Variants in AK9 observed in about 807,000 individuals in gnomAD.
AK9 encodes adenylate kinase domain containing 1.
AK9 carries 191 observed loss-of-function variants against 239.6 expected under a neutral mutation model. The ratio of observed to expected loss-of-function variants is 0.80; its 90% CI spans 0.71 to 0.90. The LOEUF is 0.90. AK9 is among the 40% of genes least tolerant of loss of function. The pLI is 0.00. For missense variants in AK9, 1,995 were observed against 2,214.7 expected (o/e 0.90, Z 1.99); for synonymous variants, 689 against 721.0 (o/e 0.96, Z 0.71).
In AK9 at chr6:109,506,406, C is replaced by T. The variant is rs1402579322; in HGVS notation, c.4770G>A (p.Trp1590Ter). Residue 1590 changes from tryptophan to a stop codon, truncating the protein, a stop_gained, in exon 35 of 41, where the codon TGG (tryptophan) becomes TGA (stop). Coordinates refer to ENST00000424296, the MANE Select transcript of AK9 (RefSeq NM_001145128.3). LOFTEE classifies it high-confidence loss of function. Reference sequence around the variant, plus strand: ...TCTTAATGACTTCATTCCATACCCACCATTTGCTGTGAAATCCATCAATCA... The same window carrying T: ...TCTTAATGACTTCATTCCATACCCATCATTTGCTGTGAAATCCATCAATCA... ...WYVIDGFHSK[W>*]WVWNEVIKNV... The T allele has an allele frequency of 1.2e-6, 2 of 1,613,854 alleles. No individual in the cohort carries two copies. The highest frequency in any genetic ancestry group is 1.7e-5 in the Admixed American group (1 of 60,020).
intron 36 of AK9, among the ~76,000 whole-genome samples, chr6:109,498,702 G>C (rs562983095): frequency 6.6e-6 from 1 of 152,334 alleles, no homozygotes; most frequent in African/African-American, 2.4e-5. Flanking sequence ...ATTCCCTTCA[G>C]CACCCCTGGG....
rs1452873781 is a variant in AK9 at position 109,550,116 on chromosome 6, A to T, written c.2938T>A (p.Tyr980Asn). 1.2e-6 allele frequency: 2 copies of T among 1,613,930 alleles called. No homozygotes were observed. The highest frequency in any genetic ancestry group is 2.2e-5 in the South Asian group (2 of 91,076). ...KEKFLEHPED[Y>N]VAHEEPLKAP... ...TTCAATGGTTCTTCATGAGCCACAT[A>T]ATCCTCAGGATGCTCCAAAAACTTT... The change falls in exon 25 of 41, where the codon TAT becomes AAT. Residue 980 changes from tyrosine to asparagine, a missense_variant. Tyr to Asn is a moderately radical substitution (Grantham distance 143). Around this residue, in one of 5 missense-constraint regions of AK9, gnomAD observed 1,290 missense variants for 1,392.7 expected, o/e 0.93. Coordinates refer to ENST00000424296, the MANE Select transcript of AK9 (RefSeq NM_001145128.3).
At chr6:109,669,736 A>G (rs1801801397) in intron 5 of AK9, among the ~76,000 whole-genome samples, 1 of 152,186 alleles carries the variant, frequency 6.6e-6, no homozygotes, top group Non-Finnish European at 1.5e-5. Context: ...CATCAGGATG[A>G]GACGCCTTGC....
intron 27 of AK9, among the ~76,000 whole-genome samples, chr6:109,537,350 G>A (rs961837267): frequency 6.6e-6 from 1 of 151,958 alleles, no homozygotes; most frequent in South Asian, 2.1e-4. Flanking sequence ...TATGTGTCCA[G>A]GAATTTATCC....
intron 9 of AK9, 87 bp downstream of exon 9, chr6:109,644,527 G>T: frequency 9.0e-7 from 1 of 1,115,078 alleles, no homozygotes; most frequent in Non-Finnish European, 1.3e-6. Context: ...ATATAAATAT[G>T]CTTCTGTTTA....
At chr6:109,589,828 G>GT (rs1315251166) in intron 17 of AK9, among the ~76,000 whole-genome samples, 3 of 152,076 alleles carry the variant, frequency 2.0e-5, no homozygotes, top group Non-Finnish European at 4.4e-5. Context: ...TTATCACATA[G>GT]TTTTTTGTTT....
chr6:109,511,539 G>A (rs185644690), intron 32 of AK9, among the ~76,000 whole-genome samples: 26 of 152,318 alleles, frequency 1.7e-4, no homozygotes, highest in African/African-American at 6.0e-4. Flanking sequence ...TCTCCTGAGT[G>A]AGACAACAGA....
intron 8 of AK9, among the ~76,000 whole-genome samples, chr6:109,645,797 C>T (rs1183916040): frequency 6.6e-6 from 1 of 152,206 alleles, no homozygotes; most frequent in African/African-American, 2.4e-5. Flanking sequence ...CTTGGAGACA[C>T]CTCCCAGTAG....
intron 10 of AK9, among the ~76,000 whole-genome samples, chr6:109,639,614 T>C (rs1363618582): frequency 6.6e-6 from 1 of 152,210 alleles, no homozygotes; most frequent in African/African-American, 2.4e-5. Context: ...TTCACTCTGA[T>C]GGTAGTTTCT....
At chr6:109,608,901 C>CAT (rs1289891669) in intron 17 of AK9, among the ~76,000 whole-genome samples, 1 of 152,112 alleles carries the variant, frequency 6.6e-6, no homozygotes, top group Non-Finnish European at 1.5e-5. Context: ...ACAACATGGG[C>CAT]ATATGACTTG....
intron 24 of AK9, among the ~76,000 whole-genome samples, chr6:109,559,522 T>G (rs1785473272): frequency 6.6e-6 from 1 of 152,232 alleles, no homozygotes; most frequent in African/African-American, 2.4e-5. Context: ...TCAGCACAGT[T>G]TTGTAGTTTT....
At chr6:109,559,325 G>A (rs1469572397) in intron 24 of AK9, among the ~76,000 whole-genome samples, 3 of 151,978 alleles carry the variant, frequency 2.0e-5, no homozygotes, top group Admixed American at 6.6e-5. Flanking sequence ...CTGCCACCTC[G>A]CCTGGCTAAT....
chr6:109,686,407 G>C (rs1044473752), intron 1 of AK9, among the ~76,000 whole-genome samples: 4 of 152,230 alleles, frequency 2.6e-5, no homozygotes, highest in African/African-American at 7.2e-5. Flanking sequence ...AAGAGGCACA[G>C]TATTTTGCAG....
chr6:109,586,299 T>C (rs1162233957), intron 17 of AK9, among the ~76,000 whole-genome samples: 1 of 152,124 alleles, frequency 6.6e-6, no homozygotes, highest in East Asian at 1.9e-4. Flanking sequence ...GCCTGTAGTA[T>C]CAGCTACACA....
intron 8 of AK9, among the ~76,000 whole-genome samples, chr6:109,654,884 T>C (rs1799471050): frequency 2.0e-5 from 3 of 152,174 alleles, no homozygotes; most frequent in East Asian, 1.9e-4. Context: ...CACTGAACTT[T>C]AGTGGTCTTG....
At chr6:109,509,958 C>T (rs1778519095) in intron 32 of AK9, among the ~76,000 whole-genome samples, 1 of 152,136 alleles carries the variant, frequency 6.6e-6, no homozygotes, top group African/African-American at 2.4e-5. Flanking sequence ...TCTGCTCCCG[C>T]TGCCTGGCCT....
rs545780144 is a variant in AK9, at chr6:109,672,557, A to C, written c.182-390T>G. On this transcript the variant is annotated intron_variant, in intron 3 of 40. Transcript: ENST00000424296. The stretch of plus-strand genomic sequence containing the variant: ...AATTAGCAGGGCATAGTTATGGTGC[A>C]TGCCTATAGTCCCTGCTACTCAGGA... 4.6e-5 allele frequency among the ~76,000 whole-genome samples: 7 copies of C among 152,200 alleles called. No homozygotes were observed. In the South Asian group the frequency reaches 1.5e-3, roughly 32 times the overall value.
intron 35 of AK9, among the ~76,000 whole-genome samples, chr6:109,504,733 C>T (rs867168863): frequency 4.6e-5 from 7 of 152,192 alleles, no homozygotes; most frequent in Middle Eastern, 3.4e-3. Flanking sequence ...TGCTTGAACC[C>T]GGGAAGGGGA....
intron 24 of AK9, among the ~76,000 whole-genome samples, chr6:109,553,725 C>T (rs1462469944): frequency 1.3e-5 from 2 of 152,250 alleles, no homozygotes; most frequent in South Asian, 2.1e-4. Context: ...CTGGCCAGAA[C>T]GTCCAATACT....
Sources: gnomAD v4.1 joint callset for allele counts (sites outside exome capture counted in the v4.1 genomes callset) on GRCh38, gnomAD v4.1.1 for gene constraint, gnomAD v4.1.1 regional missense constraint, MANE v1.5 for transcripts, NCBI Gene and HGNC (gene_info 2026-07-23, HGNC 2026-07-21) for gene names.